Variants in RHOBTB1 observed in about 807,000 individuals in gnomAD.
The protein encoded by RHOBTB1 is rho-related BTB domain-containing protein 1.
A neutral mutation model predicts 71.6 loss-of-function variants in RHOBTB1; 40 were observed. That is an observed-to-expected ratio of 0.56 (90% CI 0.43 to 0.73). RHOBTB1 has a LOEUF of 0.73. RHOBTB1 is among the 30% of genes least tolerant of loss of function. The pLI, the probability that RHOBTB1 is intolerant of heterozygous loss-of-function variation, is 0.00. For missense variants in RHOBTB1, 797 were observed against 894.0 expected (o/e 0.89, Z 1.38); for synonymous variants, 319 against 334.9 (o/e 0.95, Z 0.52).
intron 7 of RHOBTB1, among the ~76,000 whole-genome samples, chr10:60,885,079 C>A (rs1055920667): frequency 3.3e-5 from 5 of 152,118 alleles, no homozygotes; most frequent in African/African-American, 7.2e-5. Context: ...TAGTCTAATG[C>A]ACCTGTAACT....
At chr10:60,880,999 T>G (rs1254192107) in intron 7 of RHOBTB1, among the ~76,000 whole-genome samples, 1 of 148,158 alleles carries the variant, frequency 6.7e-6, no homozygotes, top group Non-Finnish European at 1.5e-5. Flanking sequence ...CATCTTGAAT[T>G]ATAGCTCCCA....
Position 60,975,345 on chromosome 10 carries a change from C to T in RHOBTB1, c.-62+10500G>A, listed in dbSNP as rs2086282008. Among the ~76,000 whole-genome samples the T allele has an allele frequency of 2.6e-5, 4 of 152,032 alleles. No individual in the cohort carries two copies. In the South Asian group the frequency reaches 8.3e-4, roughly 32 times the overall value. On this transcript the variant is annotated intron_variant, in intron 2 of 11. Coordinates refer to the RHOBTB1 transcript ENST00000357917. ...ATGGTCCAGAGACTTGTGTTCCTGG[C>T]CCAGAATCTCCTTGTCCTATCAATT...
chr10:60,972,930 A>G (rs1897370), intron 2 of RHOBTB1, among the ~76,000 whole-genome samples: 77,580 of 151,712 alleles, frequency 0.51, 20,172 homozygotes, highest in East Asian at 0.77. Flanking sequence ...CCTTTTAAAT[A>G]GAAACAAGTG....
intron 2 of RHOBTB1, chr10:60,912,661 C>T (rs561536899): frequency 2.0e-5 from 3 of 152,216 alleles, no homozygotes; most frequent in African/African-American, 7.2e-5. Flanking sequence ...TTGGAATCTT[C>T]CTGAGACCAT....
intron 7 of RHOBTB1, among the ~76,000 whole-genome samples, chr10:60,881,834 C>CCAAA (rs2081342026): frequency 6.6e-6 from 1 of 152,082 alleles, no homozygotes; most frequent in African/African-American, 2.4e-5. Context: ...GCAGCCCTGC[C>CCAAA]CAAACACCCT....
Position 60,971,268 on chromosome 10 carries a change from G to A in RHOBTB1, c.-62+14577C>T, listed in dbSNP as rs539203217. ...CCTAAGCGAAAAGAACAAAGCTGGA[G>A]GCATCACGCTACCTGACTTCAAACC... On this transcript the variant is annotated intron_variant, in intron 2 of 11. Coordinates refer to the RHOBTB1 transcript ENST00000357917. 3.9e-5 allele frequency among the ~76,000 whole-genome samples: 6 copies of A among 152,104 alleles called. No homozygotes were observed. The South Asian group carries it at 1.2e-3, about 32-fold the overall frequency.
intron 2 of RHOBTB1, among the ~76,000 whole-genome samples, chr10:60,940,467 T>C (rs1224267183): frequency 6.6e-6 from 1 of 152,210 alleles, no homozygotes; most frequent in Non-Finnish European, 1.5e-5. Flanking sequence ...TTAGGATTTA[T>C]CTATTATGTA....
intron 4 of RHOBTB1, among the ~76,000 whole-genome samples, chr10:60,899,462 G>A (rs1271637224): frequency 2.0e-5 from 3 of 152,140 alleles, no homozygotes; most frequent in Admixed American, 6.5e-5. Flanking sequence ...GTCAGCTACC[G>A]CGCTACATGG....
chr10:60,903,454 C>T (rs12221173), intron 4 of RHOBTB1, among the ~76,000 whole-genome samples: 40,987 of 151,818 alleles, frequency 0.27, 5,800 homozygotes, highest in East Asian at 0.48. Context: ...GGGTACAAAA[C>T]AGAGGTCACG....
At chr10:60,875,116 T>C in intron 8 of RHOBTB1, 74 bp from the exon 9 acceptor site, 3 of 1,066,412 alleles carry the variant, frequency 2.8e-6, no homozygotes, top group Non-Finnish European at 4.4e-6. Flanking sequence ...GGAGGGTTGG[T>C]CTGGGACGAC....
intron 7 of RHOBTB1, among the ~76,000 whole-genome samples, chr10:60,880,808 C>A (rs748910236): frequency 2.6e-5 from 4 of 152,184 alleles, no homozygotes; most frequent in African/African-American, 7.2e-5. Context: ...AGTTACACTG[C>A]GTGTATGCTC....
Position 60,888,240 on chromosome 10 carries a change from T to G in RHOBTB1, c.1428A>C (p.Lys476Asn). 1.2e-6 allele frequency: 2 copies of G among 1,613,988 alleles called. No individual in the cohort carries two copies. The highest frequency in any genetic ancestry group is 1.7e-6 in the Non-Finnish European group (2 of 1,179,916). ...AFHVRKANRI[K>N]ECLSKGTFSD... The stretch of plus-strand genomic sequence containing the variant: ...AGAACGTTCCCTTGCTGAGACACTC[T>G]TTTATCCGATTGGCTTTCCTTACGT... The change falls in exon 6 of 11, where the codon AAA becomes AAC. Residue 476 changes from lysine (K) to asparagine (N), a missense_variant. Around this residue, in one of 2 missense-constraint regions of RHOBTB1, gnomAD observed 658 missense variants for 681.5 expected, o/e 0.97. Transcript: ENST00000337910.
chr10:60,977,706 G>C (rs1183757016), intron 2 of RHOBTB1, among the ~76,000 whole-genome samples: 1 of 151,986 alleles, frequency 6.6e-6, no homozygotes, highest in East Asian at 1.9e-4. Flanking sequence ...CATGAACCAA[G>C]GTGGTGAAAA....
intron 4 of RHOBTB1, among the ~76,000 whole-genome samples, chr10:60,902,534 C>T (rs2082459972): frequency 6.6e-6 from 1 of 152,144 alleles, no homozygotes; most frequent in Non-Finnish European, 1.5e-5. Context: ...AAGTAATTCA[C>T]TGTTTAAGAA....
At chr10:60,961,292 A>T (rs1214469706) in intron 2 of RHOBTB1, among the ~76,000 whole-genome samples, 1 of 152,160 alleles carries the variant, frequency 6.6e-6, no homozygotes, top group African/African-American at 2.4e-5. Context: ...CTAGAGCTGG[A>T]CACATCTGGA....
At position 60,888,842 on chromosome 10, in the gene RHOBTB1, C is replaced by T. The variant is rs781182864; in HGVS notation, c.826G>A (p.Glu276Lys). ...TAAATTCGATGTGCAAAGATGTGTT[C>T]CTGGTCCTGAAGGATGAACAGAACA... ...ADVLFILQDQEHIFAHRIYLA... is the reference protein window; with the variant it reads ...ADVLFILQDQKHIFAHRIYLA... Residue 276 changes from glutamate to lysine, a missense_variant, in exon 6 of 11, where the codon GAA (glutamate) becomes AAA (lysine). Around this residue, in one of 2 missense-constraint regions of RHOBTB1, gnomAD observed 658 missense variants for 681.5 expected, o/e 0.97. Transcript: ENST00000337910. 1.8e-5 allele frequency: 29 copies of T among 1,614,044 alleles called. No homozygotes were observed. Among genetic ancestry groups the T allele is most frequent in the Middle Eastern group, 3.3e-4 (2 of 6,082 alleles).
chr10:60,875,110 G>C, intron 8 of RHOBTB1, 68 bp from the exon 9 acceptor site: 1 of 1,146,170 alleles, frequency 8.7e-7, no homozygotes, highest in South Asian at 1.2e-5. Context: ...TTGCCTGGAG[G>C]GTTGGTCTGG....
At chr10:60,980,695 A>G (rs543926344) in intron 2 of RHOBTB1, among the ~76,000 whole-genome samples, 2 of 152,328 alleles carry the variant, frequency 1.3e-5, no homozygotes, top group African/African-American at 4.8e-5. Context: ...GGGAATAAAG[A>G]AAAAGGAAAA....
intron 1 of RHOBTB1, among the ~76,000 whole-genome samples, chr10:60,988,438 A>G (rs1027363285): frequency 1.3e-5 from 2 of 151,632 alleles, no homozygotes; most frequent in Non-Finnish European, 2.9e-5. Flanking sequence ...CCCAACTGGT[A>G]GTTGTTCAGC....
Sources: allele counts gnomAD v4.1 joint callset (sites outside exome capture counted in the v4.1 genomes callset), GRCh38; gene constraint gnomAD v4.1.1; regional missense constraint gnomAD v4.1.1; transcripts MANE v1.5; gene names NCBI Gene and HGNC (gene_info 2026-07-23, HGNC 2026-07-21).